The following DNAH1 variants were observed in gnomAD, a reference collection of about 807,000 sequenced individuals.
DNAH1 encodes dynein axonemal heavy chain 1, also known as axonemal beta dynein heavy chain 1.
In DNAH1, 327 loss-of-function variants were observed where a neutral mutation model predicts 484.3. The observed-to-expected ratio is 0.68, with a 90% confidence interval of 0.62 to 0.74. The LOEUF (loss-of-function observed/expected upper bound fraction) is 0.74. Among genes scored for constraint, DNAH1 ranks in the 30% least tolerant of loss-of-function variants. The pLI is 0.00. For missense variants in DNAH1, 5,052 were observed against 5,546.8 expected (o/e 0.91, Z 2.83); for synonymous variants, 2,192 against 2,191.9 (o/e 1.00, Z 0.00).
chr3:52,322,529 G>T lies in DNAH1; in HGVS notation c.87G>T (p.Gly29=), dbSNP rs1459301375. 16 of 1,613,656 alleles carry T rather than the reference G, an allele frequency of 9.9e-6. No individual in the cohort carries two copies. The highest frequency in any genetic ancestry group is 1.3e-5 in the Non-Finnish European group (15 of 1,179,818). ...GCAGTGCTCCTGCAGTCCAAGTGGG[G>T]ACCCACAGGGGCCTAGAGTATAACC... The part of the protein sequence containing the change: ...ECSSAPAVQV[G]THRGLEYNPG... The change falls in exon 2 of 78, where the codon GGG becomes GGT. Residue 29 remains glycine, a synonymous_variant. Coordinates refer to ENST00000420323, the MANE Select transcript of DNAH1 (RefSeq NM_015512.5).
At chr3:52,394,369 G>A (rs972347738) in intron 66 of DNAH1, 96 bp from the exon 67 acceptor site, 2 of 1,195,046 alleles carry the variant, frequency 1.7e-6, no homozygotes, top group African/African-American at 1.5e-5. Context: ...GTTTCTCCAG[G>A]TGAGGGTGGT....
intron 66 of DNAH1, among the ~76,000 whole-genome samples, chr3:52,393,894 G>A (rs1704503074): frequency 6.6e-6 from 1 of 152,228 alleles, no homozygotes. Context: ...GCGATATTCT[G>A]TCTCAAAATA....
chr3:52,373,981 C>T, intron 44 of DNAH1: 1 of 1,179,696 alleles, frequency 8.5e-7, no homozygotes, highest in Non-Finnish European at 1.3e-6. Context: ...ATGAATTTTT[C>T]TTAAGATTTT....
At chr3:52,396,256 G>A in intron 70 of DNAH1, 112 bp from the exon 71 acceptor site, 1 of 1,214,104 alleles carries the variant, frequency 8.2e-7, no homozygotes, top group Non-Finnish European at 1.1e-6. Context: ...TTAACCAGTT[G>A]TCTGTGCAGC....
chr3:52,349,886 A>G, intron 14 of DNAH1, 103 bp from the exon 15 acceptor site: 1 of 1,464,722 alleles, frequency 6.8e-7, no homozygotes, highest in African/African-American at 1.4e-5. Context: ...GGTGGAGGGG[A>G]CAGTTACCTG....
intron 17 of DNAH1, 150 bp downstream of exon 17, chr3:52,352,253 A>G: frequency 8.1e-7 from 1 of 1,232,960 alleles, no homozygotes; most frequent in South Asian, 1.5e-5. Flanking sequence ...AATGGCTGAA[A>G]GAATGAACGC....
chr3:52,361,782 C>G lies in DNAH1; in HGVS notation c.4980+16C>G, dbSNP rs1280603250. 1 of 1,585,332 alleles carries G rather than the reference C, an allele frequency of 6.3e-7. No homozygotes were observed. The highest frequency in any genetic ancestry group is 8.6e-7 in the Non-Finnish European group (1 of 1,166,418). ...GCAGCAGCGGGTGAGCCCGGGGGAC[C>G]CACCTTACTCCCTCAGATCTGCCAT... On this transcript the variant is annotated intron_variant, in intron 30 of 77. Transcript: ENST00000420323. The surrounding 1 kb of genome is among the most constrained non-coding windows in gnomAD (Gnocchi z 5.6).
rs780608498 is a variant in DNAH1 at position 52,386,656 on chromosome 3, C to T, written c.8812-6C>T. ...AGTCTTCCCCACTTGGTGGCTGGGCCTGCAGGTACGTGCCATGCAGCGGCC... is the reference window on the plus strand; with the variant it reads ...AGTCTTCCCCACTTGGTGGCTGGGCTTGCAGGTACGTGCCATGCAGCGGCC... On this transcript the variant is annotated splice_region_variant and splice_polypyrimidine_tract_variant and intron_variant, in intron 55 of 77. Transcript: ENST00000420323. 3.8e-6 allele frequency: 6 copies of T among 1,562,948 alleles called. No homozygotes were observed. Among genetic ancestry groups the T allele is most frequent in the Non-Finnish European group, 4.3e-6 (5 of 1,153,852 alleles).
chr3:52,388,693 G>C (rs777787613), intron 58 of DNAH1, 84 bp downstream of exon 58: 2 of 1,606,564 alleles, frequency 1.2e-6, no homozygotes, highest in African/African-American at 1.3e-5. Flanking sequence ...GTGGGTCCTG[G>C]GGTGGCTGTC....
chr3:52,315,367 T>C (rs1381836740), upstream of DNAH1, among the ~76,000 whole-genome samples: 9 of 152,228 alleles, frequency 5.9e-5, no homozygotes, highest in Non-Finnish European at 1.5e-5. Context: ...CTGCTGCCCA[T>C]TCACAAGGGG....
At chr3:52,346,883 G>T in intron 11 of DNAH1, 113 bp downstream of exon 11, 1 of 1,199,258 alleles carries the variant, frequency 8.3e-7, no homozygotes, top group Non-Finnish European at 1.2e-6. Flanking sequence ...CAGGTCCCAG[G>T]CAGTAAGGAG....
chr3:52,388,936 C>T lies in DNAH1; in HGVS notation c.9494C>T (p.Thr3165Met), dbSNP rs766695556. 15 of 1,594,332 alleles carry T rather than the reference C, an allele frequency of 9.4e-6. No homozygotes were observed. The Admixed American group carries it at 1.9e-4, about 20-fold the overall frequency. Residue 3165 changes from threonine to methionine, a missense_variant and splice_region_variant, in exon 59 of 78, where the codon ACG (threonine) becomes ATG (methionine). Around this residue, in one of 4 missense-constraint regions of DNAH1, gnomAD observed 2,929 missense variants for 3,409.4 expected, o/e 0.86. Coordinates refer to ENST00000420323, the MANE Select transcript of DNAH1 (RefSeq NM_015512.5). ...TTTGTGGCCTACCTGGGCCCCTTCA[C>T]GGTAAGAAGTCCCCACCTCTGTCTC... is the stretch of plus-strand genomic sequence containing the variant. ...AGFVAYLGPFTGQYRTVLYDS... is the reference protein window; with the variant it reads ...AGFVAYLGPFMGQYRTVLYDS...
Position 52,327,958 on chromosome 3 carries a change from A to G in DNAH1, c.815A>G (p.Asp272Gly), listed in dbSNP as rs1326403991. 1.2e-6 allele frequency: 2 copies of G among 1,613,808 alleles called. No homozygotes were observed. The highest frequency in any genetic ancestry group is 1.7e-6 in the Non-Finnish European group (2 of 1,179,826). ...INMGLEPGSL[D>G]RKPVPGKALL... ...ATGGGCTTGGAGCCAGGGTCTCTGG[A>G]CAGGAAACCTGTCCCGGGAAAAGCC... Residue 272 changes from aspartate (D) to glycine (G), a missense_variant, in exon 6 of 78, where the codon GAC (aspartate) becomes GGC (glycine). By Grantham distance (94) the Asp-to-Gly change is moderately conservative (BLOSUM62 -1). Transcript: ENST00000420323.
At chr3:52,332,890 A>G (rs1386059254) in intron 8 of DNAH1, among the ~76,000 whole-genome samples, 2 of 151,972 alleles carry the variant, frequency 1.3e-5, no homozygotes, top group East Asian at 1.9e-4. Context: ...ATTTTAGTTT[A>G]TTTTTTGAGA....
At chr3:52,366,658 C>A in intron 35 of DNAH1, 75 bp from the exon 36 acceptor site, 1 of 1,554,422 alleles carries the variant, frequency 6.4e-7, no homozygotes, top group South Asian at 1.2e-5. Flanking sequence ...GAATACCCCT[C>A]CCCCTCCCCT....
rs1703849233 is a variant in DNAH1, at chr3:52,381,645, G to A, written c.7614G>A (p.Met2538Ile). ...YELITSESKM[M>I]QVIEEYIEDY... is the part of the protein sequence containing the mutation. ...ATCCTCGCCTTGGTGCACAGATGAT[G>A]CAGGTGATAGAGGAGTACATAGAGG... The change falls in exon 49 of 78, where the codon ATG becomes ATA. Residue 2538 changes from methionine (M) to isoleucine (I), a missense_variant. By Grantham distance (10) the Met-to-Ile change is conservative. This residue lies in a region of DNAH1 where 2,929 missense variants were observed against 3,409.4 expected (regional missense o/e 0.86). Coordinates refer to ENST00000420323, the MANE Select transcript of DNAH1 (RefSeq NM_015512.5). This position sits in a 1 kb window ranked among gnomAD's most constrained non-coding sequence, Gnocchi z 4.1. 1 of 1,603,554 alleles carries A rather than the reference G, an allele frequency of 6.2e-7. No homozygotes were observed. The highest frequency in any genetic ancestry group is 2.2e-5 in the East Asian group (1 of 44,486).
In DNAH1 at chr3:52,368,753, A is replaced by C; in HGVS notation, c.5778A>C (p.Ile1926=). The C allele has an allele frequency of 6.2e-7, 1 of 1,613,582 alleles. No individual in the cohort carries two copies. The highest frequency in any genetic ancestry group is 2.2e-5 in the East Asian group (1 of 44,874). The change falls in exon 37 of 78, where the codon ATA becomes ATC. Residue 1926 remains isoleucine, a synonymous_variant. Coordinates refer to ENST00000420323, the MANE Select transcript of DNAH1 (RefSeq NM_015512.5). The surrounding 1 kb of genome is among the most constrained non-coding windows in gnomAD (Gnocchi z 4.4). ...DLLTHEWTDG[I]FSSFIRAGAI... is the part of the protein sequence containing the mutation. ...CCTGGCGCTGCAGGACAGACGGGAT[A>C]TTCTCCTCGTTCATCCGGGCGGGGG... is the stretch of plus-strand genomic sequence containing the variant.
intron 66 of DNAH1, 104 bp downstream of exon 66, chr3:52,393,589 G>T: frequency 8.0e-6 from 12 of 1,504,914 alleles, no homozygotes; most frequent in Non-Finnish European, 1.1e-5. Flanking sequence ...AAGGCACCGC[G>T]AGAGCAAAGT....
intron 8 of DNAH1, among the ~76,000 whole-genome samples, chr3:52,343,153 G>C (rs560017632): frequency 6.6e-6 from 1 of 152,204 alleles, no homozygotes; most frequent in Admixed American, 6.5e-5. Flanking sequence ...GTGGCCTCAG[G>C]GGTAGCGAGG....
Sources: gnomAD v4.1 joint callset for allele counts (sites outside exome capture counted in the v4.1 genomes callset) on GRCh38, gnomAD v4.1.1 for gene constraint, gnomAD v4.1.1 regional missense constraint, Gnocchi (gnomAD v3.1) non-coding constraint, MANE v1.5 for transcripts, NCBI Gene and HGNC (gene_info 2026-07-23, HGNC 2026-07-21) for gene names.